Variants in CSMD2 observed in about 807,000 individuals in gnomAD.
The protein encoded by CSMD2 is CUB and sushi domain-containing protein 2.
In CSMD2, 130 loss-of-function variants were observed where a neutral mutation model predicts 398.5. That is an observed-to-expected ratio of 0.33 (90% CI 0.28 to 0.38). CSMD2 has a LOEUF of 0.38. CSMD2 is among the 10% of genes least tolerant of loss of function. The probability of loss-of-function intolerance (pLI) is 1.00; values close to 1 mark genes in which losing one functional copy is unlikely to be tolerated. For missense variants in CSMD2, 3,829 were observed against 4,764.9 expected, an observed-to-expected ratio of 0.80 and a Z score of 5.78; for synonymous variants, 1,828 against 1,908.5, an observed-to-expected ratio of 0.96 and a Z score of 1.10.
chr1:33,850,073 C>CA (rs765328755), intron 5 of CSMD2, among the ~76,000 whole-genome samples: 5 of 152,128 alleles, frequency 3.3e-5, no homozygotes. Flanking sequence ...AGGGTCTTTG[C>CA]AGTTGACATC....
In CSMD2 at chr1:33,714,740, G is replaced by A. The variant is rs1406777693; in HGVS notation, c.3253C>T (p.Pro1085Ser). 1 of 1,614,144 alleles carries A rather than the reference G, an allele frequency of 6.2e-7. No individual in the cohort carries two copies. Among genetic ancestry groups the A allele is most frequent in the African/African-American group, 1.3e-5 (1 of 75,062 alleles). ...AAGCCCTTCCGGATGCTGTAGGCTGGGACCTCGGGCTCCTCACAGGGCTCC... is the reference window on the plus strand; with the variant it reads ...AAGCCCTTCCGGATGCTGTAGGCTGAGACCTCGGGCTCCTCACAGGGCTCC... ...DLEPCEEPEV[P>S]AYSIRKGLQF... Residue 1085 changes from proline to serine, a missense_variant, in exon 21 of 71, where the codon CCA (proline) becomes TCA (serine). Pro to Ser is a moderately conservative substitution (Grantham distance 74). Transcript: ENST00000373381.
chr1:34,165,599 AACACAC>A (rs113072230), upstream of CSMD2: 6,772 of 636,972 alleles, frequency 0.011, 300 homozygotes, highest in African/African-American at 0.11. Context: ...CACACACACA[AACACAC>A]ACACACACAC....
intron 57 of CSMD2, among the ~76,000 whole-genome samples, chr1:33,544,734 G>A (rs1327085718): frequency 6.6e-6 from 1 of 151,790 alleles, no homozygotes; most frequent in Non-Finnish European, 1.5e-5. Flanking sequence ...GAAAAAATAA[G>A]TTCAATGCTT....
intron 12 of CSMD2, among the ~76,000 whole-genome samples, chr1:33,780,773 G>A (rs1557881962): frequency 6.6e-6 from 1 of 152,188 alleles, no homozygotes; most frequent in African/African-American, 2.4e-5. Context: ...CTCAACTTTG[G>A]CTCCCAGTGC....
intron 2 of CSMD2, among the ~76,000 whole-genome samples, chr1:34,071,128 C>G (rs898140483): frequency 6.6e-6 from 1 of 152,186 alleles, no homozygotes; most frequent in South Asian, 2.1e-4. Context: ...AGTGATGATG[C>G]GAGAGACTGA....
chr1:33,691,227 A>G (rs1645228804), intron 25 of CSMD2, among the ~76,000 whole-genome samples: 1 of 152,232 alleles, frequency 6.6e-6, no homozygotes, highest in Non-Finnish European at 1.5e-5. Context: ...AAGTCGCTGT[A>G]GCCTCAAAGG....
At chr1:33,589,979 A>C (rs1338263980) in intron 44 of CSMD2, among the ~76,000 whole-genome samples, 5 of 152,126 alleles carry the variant, frequency 3.3e-5, no homozygotes, top group Non-Finnish European at 5.9e-5. Context: ...TCTCAGTGTC[A>C]TACTTATCTT....
chr1:33,734,659 C>T (rs2149231998), intron 15 of CSMD2, among the ~76,000 whole-genome samples: 1 of 152,084 alleles, frequency 6.6e-6, no homozygotes. Flanking sequence ...GTTGCATACA[C>T]CTGTAGTCCC....
intron 53 of CSMD2, among the ~76,000 whole-genome samples, chr1:33,565,271 A>T (rs188276436): frequency 1.3e-5 from 2 of 152,328 alleles, no homozygotes; most frequent in East Asian, 3.9e-4. Flanking sequence ...CAGAAAAGGG[A>T]CATAAAAGTG....
intron 2 of CSMD2, among the ~76,000 whole-genome samples, chr1:34,061,338 G>T (rs567308626): frequency 6.6e-6 from 1 of 152,268 alleles, no homozygotes; most frequent in South Asian, 2.1e-4. Flanking sequence ...TGCTCTGATG[G>T]CTGTCCATCC....
chr1:33,792,380 GC>G, intron 11 of CSMD2, 42 bp downstream of exon 11: 1 of 1,448,594 alleles, frequency 6.9e-7, no homozygotes, highest in Non-Finnish European at 9.7e-7. Context: ...ACCAACCCCA[GC>G]CACCGTCCCA....
chr1:34,022,277 T>A (rs1195463019), intron 3 of CSMD2, among the ~76,000 whole-genome samples: 2 of 152,160 alleles, frequency 1.3e-5, no homozygotes, highest in Admixed American at 6.5e-5. Context: ...TGTTACCCCA[T>A]TTCTTCCCTA....
chr1:33,654,597 G>A (rs1019872596), intron 27 of CSMD2, among the ~76,000 whole-genome samples: 1 of 152,242 alleles, frequency 6.6e-6, no homozygotes, highest in African/African-American at 2.4e-5. Flanking sequence ...GGGCCAAGCA[G>A]AGGCCAGTAC....
At chr1:33,836,907 C>A (rs1047798485) in intron 6 of CSMD2, among the ~76,000 whole-genome samples, 12 of 152,192 alleles carry the variant, frequency 7.9e-5, no homozygotes, top group Admixed American at 1.3e-4. Context: ...TGAGATGCAT[C>A]CAGTACCTCA....
rs147982427 is a variant in CSMD2, at chr1:33,540,583, G to A, written c.9573C>T (p.Pro3191=). Residue 3191 remains proline, a synonymous_variant, in exon 60 of 71, where the codon CCC becomes CCT. Transcript: ENST00000373381. ...ACLEGYQLSL[P]AVFTCEGNGS... ...CATTTCCCTCACAGGTGAACACCGC[G>A]GGCAGGGAGAGCTGGTACCCCTCCA... 53 of 1,614,052 alleles carry A rather than the reference G, an allele frequency of 3.3e-5. No homozygotes were observed. Among genetic ancestry groups the A allele is most frequent in the African/African-American group, 2.8e-4 (21 of 74,912 alleles).
chr1:33,580,612 T>G, intron 48 of CSMD2, 141 bp downstream of exon 48: 4 of 757,502 alleles, frequency 5.3e-6, no homozygotes, highest in Non-Finnish European at 4.2e-6. Context: ...AATAGAAAAA[T>G]AGGAGGTAGG....
intron 5 of CSMD2, among the ~76,000 whole-genome samples, chr1:33,893,523 TCTC>T (rs1558064823): frequency 6.6e-6 from 1 of 152,128 alleles, no homozygotes; most frequent in Non-Finnish European, 1.5e-5. Flanking sequence ...CTCTGAAACT[TCTC>T]CTGGCAGTTC....
At chr1:33,991,820 A>G (rs1299559089) in intron 3 of CSMD2, among the ~76,000 whole-genome samples, 1 of 152,194 alleles carries the variant, frequency 6.6e-6, no homozygotes, top group Non-Finnish European at 1.5e-5. Context: ...GCCATAACAT[A>G]TATAATGGAC....
chr1:33,623,494 G>C lies in CSMD2; in HGVS notation c.5626-28C>G, dbSNP rs774020518. On this transcript the variant is annotated intron_variant, in intron 35 of 70. Coordinates refer to ENST00000373381, the MANE Select transcript of CSMD2 (RefSeq NM_001281956.2). ...GGGAAGGGAGAAGAGTGAATTGTTG[G>C]TTAGGCAGCCTGCGTCCCTCCCTCC... The C allele has an allele frequency of 2.6e-6, 4 of 1,559,744 alleles. No homozygotes were observed. The Admixed American group carries it at 6.7e-5, about 26-fold the overall frequency.
Sources: allele counts gnomAD v4.1 joint callset (sites outside exome capture counted in the v4.1 genomes callset), GRCh38; gene constraint gnomAD v4.1.1; transcripts MANE v1.5; gene names NCBI Gene and HGNC (gene_info 2026-07-23, HGNC 2026-07-21).